NT5C2: variants seen among roughly 807,000 people sequenced by gnomAD.
NT5C2 encodes 5'-nucleotidase, cytosolic II, also known as cytosolic purine 5'-nucleotidase.
A neutral mutation model predicts 76.1 loss-of-function variants in NT5C2; 58 were observed. The observed-to-expected ratio is 0.76, with a 90% confidence interval of 0.62 to 0.95. NT5C2 has a LOEUF of 0.95. Among genes scored for constraint, NT5C2 ranks in the 40% least tolerant of loss-of-function variants. The probability of loss-of-function intolerance (pLI) is 0.00; values close to 1 mark genes in which losing one functional copy is unlikely to be tolerated. For missense variants in NT5C2, 478 were observed against 690.3 expected, an observed-to-expected ratio of 0.69 and a Z score of 3.45; for synonymous variants, 229 against 237.4, an observed-to-expected ratio of 0.96 and a Z score of 0.32.
At chr10:103,139,233 G>A (rs979321315) in intron 4 of NT5C2, among the ~76,000 whole-genome samples, 173 bp downstream of exon 4, 14 of 152,192 alleles carry the variant, frequency 9.2e-5, no homozygotes, top group East Asian at 3.9e-4. Flanking sequence ...ACATCTCAAG[G>A]ATATCTGATA....
intron 6 of NT5C2, 78 bp from the exon 7 acceptor site, chr10:103,101,404 A>C: frequency 1.2e-6 from 1 of 829,316 alleles, no homozygotes; most frequent in South Asian, 1.7e-5. Flanking sequence ...TTCAAAAATT[A>C]ACTCAAATAT....
intron 11 of NT5C2, 42 bp from the exon 12 acceptor site, chr10:103,096,022 G>A (rs578142023): frequency 6.9e-7 from 1 of 1,457,244 alleles, no homozygotes; most frequent in African/African-American, 1.4e-5. Context: ...TACTACTTTT[G>A]CAAAAGGTAT....
Position 103,101,238 on chromosome 10 carries a change from G to T in NT5C2, c.478C>A (p.Pro160Thr). ...FYILNTLFNL[P>T]ETYLLACLVD... ...AATAAGCATAGAATGAATCTACCTGGTAGGTTGAATAGTGTGTTCAGAATG... is the reference window on the plus strand; with the variant it reads ...AATAAGCATAGAATGAATCTACCTGTTAGGTTGAATAGTGTGTTCAGAATG... The change falls in exon 7 of 19, where the codon CCA (proline) becomes ACA (threonine). Residue 160 changes from proline (P) to threonine (T), a missense_variant. Physicochemically the swap from Pro to Thr is conservative, Grantham distance 38. Transcript: ENST00000404739. The T allele has an allele frequency of 6.4e-7, 1 of 1,569,532 alleles. No homozygotes were observed.
chr10:103,097,057 CAA>C (rs1466465273), intron 11 of NT5C2, among the ~76,000 whole-genome samples: 1 of 151,828 alleles, frequency 6.6e-6, no homozygotes, highest in Non-Finnish European at 1.5e-5. Context: ...TAAATAACCC[CAA>C]GATTAAAATT....
rs2134402779 is a variant in NT5C2 at position 103,088,252 on chromosome 10, AAGAGTCTAT to A, written c.*1411_*1419del. 6.6e-6 allele frequency: 1 copy of A among 152,370 alleles called. No individual in the cohort carries two copies. Among genetic ancestry groups the A allele is most frequent in the African/African-American group, 2.4e-5 (1 of 41,586 alleles). The allele number at this position is 152,370 out of a possible 1,614,324, so 9.4% of individuals were successfully genotyped here. The stretch of plus-strand genomic sequence containing the variant: ...GAAGAAAATATACAATGGTTAAAGA[AAGAGTCTAT>A]AACCACTGTTTGTTTAAAATGTTGA... On this transcript the variant is annotated 3_prime_UTR_variant, in exon 19 of 19. Transcript: ENST00000404739.
chr10:103,120,590 C>T (rs554010350), intron 4 of NT5C2, among the ~76,000 whole-genome samples: 21 of 152,344 alleles, frequency 1.4e-4, no homozygotes, highest in Non-Finnish European at 2.8e-4. Context: ...CGTAACTTCA[C>T]ACCCAGTAGA....
chr10:103,135,065 G>T (rs1259126384), intron 4 of NT5C2, among the ~76,000 whole-genome samples: 1 of 152,192 alleles, frequency 6.6e-6, no homozygotes, highest in Non-Finnish European at 1.5e-5. Context: ...TAGGCAGAAG[G>T]GACTTGCCTT....
At chr10:103,160,038 T>C (rs1269924056) in intron 3 of NT5C2, among the ~76,000 whole-genome samples, 1 of 152,180 alleles carries the variant, frequency 6.6e-6, no homozygotes, top group African/African-American at 2.4e-5. Flanking sequence ...GCTACTGGCA[T>C]AAGGACAAAT....
chr10:103,157,987 C>T (rs556102483), intron 3 of NT5C2, among the ~76,000 whole-genome samples: 2 of 151,996 alleles, frequency 1.3e-5, no homozygotes, highest in East Asian at 1.9e-4. Flanking sequence ...GCAGGAGAAT[C>T]GCTTGAACCC....
chr10:103,120,039 C>T (rs1320646709), intron 4 of NT5C2, among the ~76,000 whole-genome samples: 1 of 151,348 alleles, frequency 6.6e-6, no homozygotes, highest in Non-Finnish European at 1.5e-5. Context: ...GCAGAGGTTG[C>T]AGTGAGCTGA....
chr10:103,100,790 G>A (rs760551788), intron 8 of NT5C2: 5 of 622,428 alleles, frequency 8.0e-6, no homozygotes, highest in Admixed American at 2.1e-5. Context: ...TCTGCTGGCC[G>A]TCTTCATTCC....
rs1046542470 is a variant in NT5C2, at chr10:103,143,337, A to G, written c.102-3858T>C. 2.6e-5 allele frequency among the ~76,000 whole-genome samples: 4 copies of G among 152,340 alleles called. No individual in the cohort carries two copies. The South Asian group carries it at 6.2e-4, about 24-fold the overall frequency. On this transcript the variant is annotated intron_variant, in intron 3 of 18. Coordinates refer to ENST00000404739, the MANE Select transcript of NT5C2 (RefSeq NM_001351169.2). ...GAAGAGTAACTGCATCAAGGGATGC[A>G]AAAAGCCTCCACTGGGATACAGAAA...
intron 3 of NT5C2, among the ~76,000 whole-genome samples, chr10:103,166,903 T>G (rs1324383698): frequency 6.6e-6 from 1 of 152,160 alleles, no homozygotes; most frequent in Non-Finnish European, 1.5e-5. Context: ...TCTTCCCATC[T>G]CGGTCTCTCA....
intron 3 of NT5C2, among the ~76,000 whole-genome samples, chr10:103,148,417 A>C (rs552795748): frequency 1.3e-5 from 2 of 152,286 alleles, no homozygotes; most frequent in African/African-American, 4.8e-5. Context: ...CCTGGCTGAC[A>C]TGGTGAAACC....
intron 3 of NT5C2, among the ~76,000 whole-genome samples, chr10:103,156,016 A>C (rs750425969): frequency 6.6e-6 from 1 of 152,122 alleles, no homozygotes; most frequent in Non-Finnish European, 1.5e-5. Flanking sequence ...AAATTTAAAA[A>C]TTAGCCAGGT....
chr10:103,161,674 T>A (rs1455593853), intron 3 of NT5C2, among the ~76,000 whole-genome samples: 7 of 151,870 alleles, frequency 4.6e-5, no homozygotes, highest in Non-Finnish European at 8.8e-5. Flanking sequence ...CTGTGAGCTA[T>A]GACTGCGCCA....
chr10:103,143,403 A>T (rs1157506821), intron 3 of NT5C2, among the ~76,000 whole-genome samples: 4 of 152,012 alleles, frequency 2.6e-5, no homozygotes, highest in Non-Finnish European at 2.9e-5. Context: ...CTCACCATTT[A>T]AAAATGCCTA....
chr10:103,192,247 C>A (rs2092693565), intron 1 of NT5C2, among the ~76,000 whole-genome samples: 1 of 152,160 alleles, frequency 6.6e-6, no homozygotes, highest in African/African-American at 2.4e-5. Context: ...CAGCTCAATC[C>A]TGAAGAACTC....
intron 1 of NT5C2, among the ~76,000 whole-genome samples, chr10:103,183,275 A>ATTTTATATATATATATAT: frequency 9.5e-6 from 1 of 104,922 alleles, no homozygotes; most frequent in East Asian, 5.0e-4. Context: ...ATATATATAT[A>ATTTTATATATATATATAT]TATATATATA....
Sources: gnomAD v4.1 joint callset for allele counts (sites outside exome capture counted in the v4.1 genomes callset) on GRCh38, gnomAD v4.1.1 for gene constraint, MANE v1.5 for transcripts, NCBI Gene and HGNC (gene_info 2026-07-23, HGNC 2026-07-21) for gene names.